POLR3E: variants seen among roughly 807,000 people sequenced by gnomAD.
POLR3E encodes DNA-directed RNA polymerase III subunit RPC5.
POLR3E carries 41 observed loss-of-function variants against 96.6 expected under a neutral mutation model. The ratio of observed to expected loss-of-function variants is 0.42; its 90% confidence interval spans 0.33 to 0.55. The LOEUF is 0.55. Ranked by LOEUF, POLR3E falls within the 20% of genes least tolerant of loss-of-function variation. The probability of loss-of-function intolerance (pLI) is 0.06; values close to 1 mark genes in which losing one functional copy is unlikely to be tolerated. For synonymous variants in POLR3E, 396 were observed against 383.6 expected, an observed-to-expected ratio of 1.03 and a Z score of -0.38; for missense variants, 849 against 952.1, an observed-to-expected ratio of 0.89 and a Z score of 1.43.
chr16:22,317,178 C>A lies in POLR3E; in HGVS notation c.837C>A (p.Ala279=), dbSNP rs139116933. The A allele has an allele frequency of 6.2e-7, 1 of 1,613,520 alleles. No homozygotes were observed. The highest frequency in any genetic ancestry group is 8.5e-7 in the Non-Finnish European group (1 of 1,179,976). ...SMAQLRTLPL[A]DQIKILMKNV... ...CCCAGCTGCGCACGCTGCCCCTGGC[C>A]GATCAGATCAAGATCCTGATGAAGA... is the stretch of plus-strand genomic sequence containing the variant. Residue 279 remains alanine, a synonymous_variant, in exon 12 of 21, where the codon GCC becomes GCA. Transcript: ENST00000299853.
chr16:22,324,316 G>C, intron 14 of POLR3E, 38 bp from the exon 15 acceptor site: 1 of 1,583,088 alleles, frequency 6.3e-7, no homozygotes, highest in African/African-American at 1.3e-5. Context: ...GGAGCAGTCC[G>C]TGGCCGCCCC....
chr16:22,320,436 A>T (rs1209579227), intron 13 of POLR3E, among the ~76,000 whole-genome samples: 3 of 151,876 alleles, frequency 2.0e-5, no homozygotes, highest in Non-Finnish European at 4.4e-5. Context: ...TAATTTTTGT[A>T]TTTTTAGAAG....
At chr16:22,301,459 T>C (rs1598230842) in intron 1 of POLR3E, among the ~76,000 whole-genome samples, 1 of 152,114 alleles carries the variant, frequency 6.6e-6, no homozygotes, top group South Asian at 2.1e-4. Context: ...TGCATGCCAA[T>C]TATTGCAGCT....
In POLR3E at chr16:22,316,989, C is replaced by T; in HGVS notation, c.729-6C>T. On this transcript the variant is annotated splice_polypyrimidine_tract_variant and splice_region_variant and intron_variant, in intron 10 of 20. Transcript: ENST00000299853. ...CTGAGCCTCTGCCCCTGCCATGTCCCTGCAGTGAGTACCTGATGATGCTGA... is the reference window on the plus strand; with the variant it reads ...CTGAGCCTCTGCCCCTGCCATGTCCTTGCAGTGAGTACCTGATGATGCTGA... 6.2e-7 allele frequency: 1 copy of T among 1,614,058 alleles called. No homozygotes were observed. The highest frequency in any genetic ancestry group is 8.5e-7 in the Non-Finnish European group (1 of 1,179,888).
At position 22,333,882 on chromosome 16, in the gene POLR3E, T is replaced by G. The variant is rs1315168017; in HGVS notation, c.*182T>G. 3 of 547,918 alleles carry G rather than the reference T, an allele frequency of 5.5e-6. No homozygotes were observed. 33.9% of individuals were successfully genotyped at this position (547,918 alleles called of 1,614,324 possible). The stretch of plus-strand genomic sequence containing the variant: ...TCCTCAGCCAGTCGCAGGGTCAGCT[T>G]AAGTTAGTTAGATCACTCCCAGAAG... On this transcript the variant is annotated 3_prime_UTR_variant, in exon 21 of 21. Transcript: ENST00000299853.
intron 14 of POLR3E, among the ~76,000 whole-genome samples, chr16:22,324,067 C>G (rs774860342): frequency 6.8e-6 from 1 of 146,012 alleles, no homozygotes; most frequent in African/African-American, 2.8e-5. Context: ...CTCATCGTAT[C>G]CTCGGAGCTG....
rs2290830 is a variant in POLR3E, at chr16:22,316,773, G to T, written c.728+87G>T. On this transcript the variant is annotated intron_variant, in intron 10 of 20. Coordinates refer to ENST00000299853, the MANE Select transcript of POLR3E (RefSeq NM_018119.4). ...GTGTGGATCCTCCCAGAGGACTGTG[G>T]CCCCTCCTGTAGCATGAGGGTGGAG... 661,963 of 1,132,140 alleles carry T rather than the reference G, an allele frequency of 0.58. 211,289 individuals are homozygous for T. Among genetic ancestry groups the T allele is most frequent in the Non-Finnish European group, 0.67 (497,777 of 744,832 alleles). 70.1% of individuals were successfully genotyped at this position (1,132,140 alleles called of 1,614,324 possible).
At chr16:22,331,644 C>G (rs374032527) in intron 19 of POLR3E, 1 of 154,818 alleles carries the variant, frequency 6.5e-6, no homozygotes, top group Admixed American at 6.5e-5. Flanking sequence ...TGCATTAAGA[C>G]TTCACACCAA....
chr16:22,329,873 C>T (rs773929739), intron 19 of POLR3E, among the ~76,000 whole-genome samples: 2 of 151,818 alleles, frequency 1.3e-5, no homozygotes, highest in Non-Finnish European at 2.9e-5. Context: ...AAGCAGTTCT[C>T]CTGCCTCAGC....
chr16:22,298,445 C>T (rs1430528102), intron 1 of POLR3E, among the ~76,000 whole-genome samples: 2 of 152,190 alleles, frequency 1.3e-5, no homozygotes, highest in Non-Finnish European at 2.9e-5. Context: ...CTTACTCCTT[C>T]CCCGCAGGGG....
At chr16:22,325,555 G>C (rs1371871703) in intron 17 of POLR3E, among the ~76,000 whole-genome samples, 2 of 152,172 alleles carry the variant, frequency 1.3e-5, no homozygotes, top group African/African-American at 2.4e-5. Flanking sequence ...GAGCTGCTGG[G>C]GGGAGGAACT....
rs759821645 is a variant in POLR3E at position 22,318,836 on chromosome 16, G to T, written c.876G>T (p.Met292Ile). 4 of 1,613,566 alleles carry T rather than the reference G, an allele frequency of 2.5e-6. No individual in the cohort carries two copies. The highest frequency in any genetic ancestry group is 3.4e-6 in the Non-Finnish European group (4 of 1,179,632). ...IKILMKNVKV[M>I]PFANLMSLLG... is the part of the protein sequence containing the mutation. ...CTGCGTCCTCCTCAGTGAAGGTCAT[G>T]CCTTTTGCCAACTTGATGAGCCTCC... Residue 292 changes from methionine (M) to isoleucine (I), a missense_variant, in exon 13 of 21, where the codon ATG (methionine) becomes ATT (isoleucine). Physicochemically the swap from Met to Ile is conservative, Grantham distance 10. Transcript: ENST00000299853. This position sits in a 1 kb window ranked among gnomAD's most constrained non-coding sequence, Gnocchi z 5.0.
chr16:22,308,095 G>A, intron 3 of POLR3E, 53 bp from the exon 4 acceptor site: 2 of 1,406,198 alleles, frequency 1.4e-6, no homozygotes, highest in Non-Finnish European at 2.0e-6. Flanking sequence ...CCAGGGCCCA[G>A]CTCTGGGCAT....
chr16:22,332,701 C>A (rs189253611), intron 20 of POLR3E, among the ~76,000 whole-genome samples: 1 of 152,112 alleles, frequency 6.6e-6, no homozygotes, highest in East Asian at 1.9e-4. Flanking sequence ...CATAGCCACA[C>A]ACATGACTTT....
intron 4 of POLR3E, 25 bp from the exon 5 acceptor site, chr16:22,308,900 T>C (rs2048186576): frequency 6.6e-7 from 1 of 1,525,124 alleles, no homozygotes; most frequent in African/African-American, 1.4e-5. Context: ...TCCTCATAGC[T>C]GGTGGGGGTG....
rs1330417150 is a variant in POLR3E, at chr16:22,310,676, C to T, written c.364+1166C>T. On this transcript the variant is annotated intron_variant, in intron 6 of 20. Coordinates refer to ENST00000299853, the MANE Select transcript of POLR3E (RefSeq NM_018119.4). ...TATAGCCGGGTGTGTTGCCTCCTAC[C>T]TGTAATCCCAGTGCTTTGGGAGGCC... Among the ~76,000 whole-genome samples, 5 of 150,838 alleles carry T rather than the reference C, an allele frequency of 3.3e-5. No homozygotes were observed. The East Asian group carries it at 5.9e-4, about 18-fold the overall frequency.
At chr16:22,332,906 T>A (rs1375333504) in intron 20 of POLR3E, among the ~76,000 whole-genome samples, 4 of 151,214 alleles carry the variant, frequency 2.6e-5, no homozygotes, top group Non-Finnish European at 4.4e-5. Context: ...GCCATATAAG[T>A]AATACTGTTT....
chr16:22,308,325 T>A (rs2141746429), intron 4 of POLR3E, 100 bp downstream of exon 4: 1 of 923,788 alleles, frequency 1.1e-6, no homozygotes, highest in Non-Finnish European at 1.8e-6. Flanking sequence ...ATTGGAGAAG[T>A]AGGAGAACCA....
At position 22,305,128 on chromosome 16, in the gene POLR3E, C is replaced by T. The variant is rs185019397; in HGVS notation, c.37-28C>T. On this transcript the variant is annotated intron_variant, in intron 2 of 20. Coordinates refer to ENST00000299853, the MANE Select transcript of POLR3E (RefSeq NM_018119.4). ...GAGGTCAGCACTGTGTCCAGTCTCC[C>T]GGTTAAGTCGTCTTCCCTTCTTCCC... 645 of 1,601,674 alleles carry T rather than the reference C, an allele frequency of 4.0e-4. 2 individuals are homozygous for T. The African/African-American group carries it at 5.0e-3, about 12-fold the overall frequency.
Sources: allele counts gnomAD v4.1 joint callset (sites outside exome capture counted in the v4.1 genomes callset), GRCh38; gene constraint gnomAD v4.1.1; non-coding constraint Gnocchi (gnomAD v3.1); transcripts MANE v1.5; gene names NCBI Gene and HGNC (gene_info 2026-07-23, HGNC 2026-07-21).